The following ADAMTS17 variants were observed in gnomAD, a reference collection of about 807,000 sequenced individuals.
ADAMTS17 encodes A disintegrin and metalloproteinase with thrombospondin motifs 17.
A neutral mutation model predicts 141.5 loss-of-function variants in ADAMTS17; 113 were observed. The observed-to-expected ratio is 0.80, with a 90% CI of 0.69 to 0.93. ADAMTS17 has a LOEUF of 0.93. Ranked by LOEUF, ADAMTS17 falls within the 40% of genes least tolerant of loss-of-function variation. The pLI is 0.00. For synonymous variants in ADAMTS17, 768 were observed against 630.6 expected, an observed-to-expected ratio of 1.22 and a Z score of -3.27; for missense variants, 1,659 against 1,517.9, an observed-to-expected ratio of 1.09 and a Z score of -1.54.
intron 15 of ADAMTS17, among the ~76,000 whole-genome samples, chr15:100,080,388 G>A (rs1196548306): frequency 1.3e-5 from 2 of 151,718 alleles, no homozygotes; most frequent in Non-Finnish European, 1.5e-5. Context: ...CCACAAAGGA[G>A]GTAAGGAAGA....
rs145534504 is a variant in ADAMTS17 at position 100,315,697 on chromosome 15, G to C, written c.616+15192C>G. 9.2e-5 allele frequency among the ~76,000 whole-genome samples: 14 copies of C among 152,198 alleles called. No individual in the cohort carries two copies. The East Asian group carries it at 2.7e-3, about 29-fold the overall frequency. On this transcript the variant is annotated intron_variant, in intron 3 of 21. Transcript: ENST00000268070. The stretch of plus-strand genomic sequence containing the variant: ...ACAAAAAATTTTAAAAAAAATTACA[G>C]AGGCCTAAAAATACACTAAAAGACA...
At chr15:100,195,764 G>A (rs1051035057) in intron 8 of ADAMTS17, among the ~76,000 whole-genome samples, 23 of 151,966 alleles carry the variant, frequency 1.5e-4, no homozygotes, top group Admixed American at 1.5e-3. Context: ...TATACACATG[G>A]ACATTTACTT....
intron 14 of ADAMTS17, among the ~76,000 whole-genome samples, chr15:100,108,258 G>A (rs1428907070): frequency 2.0e-5 from 3 of 151,476 alleles, no homozygotes; most frequent in Admixed American, 1.3e-4. Context: ...CGCAACCTCC[G>A]TCTCCCAGGT....
In ADAMTS17 at chr15:99,971,906, C is replaced by T. The variant is rs1456798391; in HGVS notation, c.*2496G>A. On this transcript the variant is annotated 3_prime_UTR_variant, in exon 22 of 22. Transcript: ENST00000268070. ...GGAACAAGAATGTTTATGATGGTTT[C>T]ACTGAAATCACTGCTCGTGCCATGA... 1 of 152,206 alleles carries T rather than the reference C, an allele frequency of 6.6e-6. No homozygotes were observed. Among genetic ancestry groups the T allele is most frequent in the Non-Finnish European group, 1.5e-5 (1 of 68,068 alleles). The allele number at this position is 152,206 out of a possible 1,614,324, so 9.4% of individuals were successfully genotyped here.
intron 3 of ADAMTS17, among the ~76,000 whole-genome samples, chr15:100,323,628 AG>A (rs2045803749): frequency 6.6e-6 from 1 of 152,182 alleles, no homozygotes; most frequent in South Asian, 2.1e-4. Flanking sequence ...AAAGGAATAA[AG>A]GAAAAAAAAT....
chr15:100,075,603 C>T (rs769158376), intron 15 of ADAMTS17, among the ~76,000 whole-genome samples: 4 of 152,148 alleles, frequency 2.6e-5, no homozygotes, highest in Non-Finnish European at 5.9e-5. Flanking sequence ...AGAGTCTTAC[C>T]TTTAATGTCT....
rs531051462 is a variant in ADAMTS17 at position 100,129,064 on chromosome 15, A to G, written c.1721+2943T>C. 5 of 152,306 alleles carry G rather than the reference A, an allele frequency of 3.3e-5. No individual in the cohort carries two copies. The South Asian group carries it at 1.0e-3, about 32-fold the overall frequency. The allele number at this position is 152,306 out of a possible 1,614,324, so 9.4% of individuals were successfully genotyped here. ...TTGCAAATGTTGCCCTCGCCTAGAGACAACTTAAATGTTGACAGTCTCAGG... is the reference window on the plus strand; with the variant it reads ...TTGCAAATGTTGCCCTCGCCTAGAGGCAACTTAAATGTTGACAGTCTCAGG... On this transcript the variant is annotated intron_variant, in intron 12 of 21. Transcript: ENST00000268070.
At position 100,248,120 on chromosome 15, in the gene ADAMTS17, C is replaced by T. The variant is rs547255416; in HGVS notation, c.1075+6016G>A. On this transcript the variant is annotated intron_variant, in intron 7 of 21. Coordinates refer to ENST00000268070, the MANE Select transcript of ADAMTS17 (RefSeq NM_139057.4). ...TCCAAGCTCCTCCACAGCATCAACC[C>T]GGCCTTCAGCCTGCAACGGTGGAAC... 3.9e-5 allele frequency among the ~76,000 whole-genome samples: 6 copies of T among 152,270 alleles called. No homozygotes were observed. The South Asian group carries it at 6.2e-4, about 16-fold the overall frequency.
rs559665191 is a variant in ADAMTS17, at chr15:100,287,402, G to A, written c.617-6001C>T. On this transcript the variant is annotated intron_variant, in intron 3 of 21. Coordinates refer to ENST00000268070, the MANE Select transcript of ADAMTS17 (RefSeq NM_139057.4). ...TGGAATTATGTAAAGAGACCAAATCGATCAGCCGTTGGCATCCTTGAAAGA... is the reference window on the plus strand; with the variant it reads ...TGGAATTATGTAAAGAGACCAAATCAATCAGCCGTTGGCATCCTTGAAAGA... 6.5e-4 allele frequency among the ~76,000 whole-genome samples: 99 copies of A among 152,258 alleles called. 1 individual carries two copies. The highest frequency in any genetic ancestry group is 2.3e-3 in the African/African-American group (94 of 41,554).
At position 100,207,307 on chromosome 15, in the gene ADAMTS17, C is replaced by G. The variant is rs113014993; in HGVS notation, c.1076-7884G>C. 9.4e-3 allele frequency among the ~76,000 whole-genome samples: 1,433 copies of G among 152,294 alleles called. 22 individuals carry two copies. The highest frequency in any genetic ancestry group is 0.028 in the African/African-American group (1,177 of 41,556). Reference sequence around the variant, plus strand: ...CAGGAAAGAGATTCCTTATCCCAAACCAGTCCTACTGGCACTGCGGAGTTC... The same window carrying G: ...CAGGAAAGAGATTCCTTATCCCAAAGCAGTCCTACTGGCACTGCGGAGTTC... On this transcript the variant is annotated intron_variant, in intron 7 of 21. Transcript: ENST00000268070.
chr15:99,989,678 C>T (rs1439693470), intron 20 of ADAMTS17, among the ~76,000 whole-genome samples: 1 of 152,212 alleles, frequency 6.6e-6, no homozygotes, highest in Non-Finnish European at 1.5e-5. Flanking sequence ...TGACCGTTTT[C>T]AAGCTAGGTC....
At chr15:100,041,128 C>T (rs2031213911) in intron 18 of ADAMTS17, among the ~76,000 whole-genome samples, 1 of 152,146 alleles carries the variant, frequency 6.6e-6, no homozygotes, top group Non-Finnish European at 1.5e-5. Flanking sequence ...GGATTCCATT[C>T]CATTTTAACC....
At chr15:100,302,650 T>C (rs971093002) in intron 3 of ADAMTS17, among the ~76,000 whole-genome samples, 1 of 152,246 alleles carries the variant, frequency 6.6e-6, no homozygotes, top group African/African-American at 2.4e-5. Context: ...CTGATGATGC[T>C]GAGCATCTCT....
intron 10 of ADAMTS17, among the ~76,000 whole-genome samples, chr15:100,140,488 C>CATACATATATATATATAT (rs1386955753): frequency 6.4e-5 from 8 of 125,000 alleles, no homozygotes; most frequent in African/African-American, 2.3e-4. Flanking sequence ...CACATACATA[C>CATACATATATATATATAT]ATATATATAT....
At chr15:100,044,791 T>G (rs185120796) in intron 18 of ADAMTS17, among the ~76,000 whole-genome samples, 1 of 149,502 alleles carries the variant, frequency 6.7e-6, no homozygotes, top group Non-Finnish European at 1.5e-5. Context: ...AGATGAGAAC[T>G]GGATATATAA....
At chr15:100,094,744 G>A (rs12593651) in intron 15 of ADAMTS17, among the ~76,000 whole-genome samples, 39,734 of 152,200 alleles carry the variant, frequency 0.26, 5,919 homozygotes, top group East Asian at 0.53. Context: ...AAAGCCAACA[G>A]TAAGTAGTAA....
At chr15:100,152,583 C>T in intron 10 of ADAMTS17, 29 bp downstream of exon 10, 3 of 1,611,648 alleles carry the variant, frequency 1.9e-6, no homozygotes, top group Non-Finnish European at 2.5e-6. Flanking sequence ...CATGCTCTGT[C>T]CCGAGCCAGC....
intron 8 of ADAMTS17, among the ~76,000 whole-genome samples, chr15:100,172,087 G>T (rs181254834): frequency 1.4e-4 from 22 of 152,288 alleles, no homozygotes; most frequent in Admixed American, 5.9e-4. Context: ...TAACACTAGG[G>T]AGACAGGACA....
intron 8 of ADAMTS17, among the ~76,000 whole-genome samples, chr15:100,155,567 A>AAATCAACAAAGTATATT (rs2039396048): frequency 6.6e-6 from 1 of 152,238 alleles, no homozygotes. Context: ...AAATAACAAT[A>AAATCAACAAAGTATATT]AATCAACAAA....
Sources: allele counts gnomAD v4.1 joint callset (sites outside exome capture counted in the v4.1 genomes callset), GRCh38; gene constraint gnomAD v4.1.1; transcripts MANE v1.5; gene names NCBI Gene and HGNC (gene_info 2026-07-23, HGNC 2026-07-21).